Variants in PARD3B observed in about 807,000 individuals in gnomAD.
The protein encoded by PARD3B is par-3 family cell polarity regulator beta, also known as partitioning defective 3 homolog B.
PARD3B carries 103 observed loss-of-function variants against 130.2 expected under a neutral mutation model. The ratio of observed to expected loss-of-function variants is 0.79; its 90% CI spans 0.67 to 0.93. The LOEUF (loss-of-function observed/expected upper bound fraction) is 0.93. Ranked by LOEUF, PARD3B falls within the 40% of genes least tolerant of loss-of-function variation. The pLI, the probability that PARD3B is intolerant of heterozygous loss-of-function variation, is 0.00. For missense variants in PARD3B, 1,609 were observed against 1,499.2 expected, an observed-to-expected ratio of 1.07 and a Z score of -1.21; for synonymous variants, 583 against 553.2, an observed-to-expected ratio of 1.05 and a Z score of -0.76.
intron 21 of PARD3B, among the ~76,000 whole-genome samples, chr2:205,512,670 AG>A (rs898898426): frequency 1.3e-4 from 20 of 152,306 alleles, no homozygotes; most frequent in African/African-American, 4.6e-4. Flanking sequence ...CTTACCTACA[AG>A]GAAAGAAAAC....
intron 15 of PARD3B, among the ~76,000 whole-genome samples, chr2:205,208,315 G>A (rs1473254943): frequency 7.0e-5 from 8 of 113,556 alleles, no homozygotes; most frequent in African/African-American, 2.7e-4. Flanking sequence ...GCACAAGACA[G>A]GGATGCCCTC....
intron 3 of PARD3B, among the ~76,000 whole-genome samples, chr2:204,968,580 C>T (rs1353254397): frequency 6.6e-6 from 1 of 152,232 alleles, no homozygotes; most frequent in Non-Finnish European, 1.5e-5. Flanking sequence ...TCCAAATTTA[C>T]CACCTTCAAA....
At chr2:205,510,212 T>G (rs1003783989) in intron 21 of PARD3B, among the ~76,000 whole-genome samples, 2 of 152,198 alleles carry the variant, frequency 1.3e-5, no homozygotes, top group African/African-American at 2.4e-5. Flanking sequence ...ACACACATGA[T>G]TACATGTAAA....
At chr2:205,088,110 G>A (rs1455798554) in intron 4 of PARD3B, among the ~76,000 whole-genome samples, 1 of 152,164 alleles carries the variant, frequency 6.6e-6, no homozygotes, top group Non-Finnish European at 1.5e-5. Flanking sequence ...TGATCCAAAT[G>A]ATGACTGAGT....
At position 205,287,062 on chromosome 2, in the gene PARD3B, T is replaced by C. The variant is rs569496138; in HGVS notation, c.2186-13468T>C. Reference sequence around the variant, plus strand: ...TTGTAAAATCCATGCAGCAACAGACTGGAACATGCCTGTCTATAAGCTGGT... The same window carrying C: ...TTGTAAAATCCATGCAGCAACAGACCGGAACATGCCTGTCTATAAGCTGGT... On this transcript the variant is annotated intron_variant, in intron 16 of 22. Coordinates refer to ENST00000406610, the MANE Select transcript of PARD3B (RefSeq NM_001302769.2). This position sits in a 1 kb window ranked among gnomAD's most constrained non-coding sequence, Gnocchi z 4.8. 3.3e-5 allele frequency among the ~76,000 whole-genome samples: 5 copies of C among 152,314 alleles called. No homozygotes were observed. Among genetic ancestry groups the C allele is most frequent in the Middle Eastern group, 3.4e-3 (1 of 294 alleles).
chr2:205,255,452 G>A (rs192225087), intron 16 of PARD3B, among the ~76,000 whole-genome samples: 2 of 152,192 alleles, frequency 1.3e-5, no homozygotes, highest in African/African-American at 4.8e-5. Flanking sequence ...GCAACTCGGT[G>A]TCCTATAATT....
chr2:205,033,615 C>G (rs1441435891), intron 3 of PARD3B, among the ~76,000 whole-genome samples: 1 of 152,116 alleles, frequency 6.6e-6, no homozygotes, highest in Non-Finnish European at 1.5e-5. Context: ...GCCACGTGCC[C>G]ATCTGTCTAC....
chr2:204,939,916 A>G lies in PARD3B; in HGVS notation c.223-25236A>G, dbSNP rs1293721721. 2.6e-5 allele frequency among the ~76,000 whole-genome samples: 4 copies of G among 152,210 alleles called. No individual in the cohort carries two copies. In the South Asian group the frequency reaches 8.3e-4, roughly 32 times the overall value. ...TGGCCCCAAATGTACTTAAATTACC[A>G]TTATACCTGAGGTTTACTGATATCT... On this transcript the variant is annotated intron_variant, in intron 2 of 22. Transcript: ENST00000406610.
intron 7 of PARD3B, among the ~76,000 whole-genome samples, chr2:205,120,447 C>A (rs1004459549): frequency 1.3e-5 from 2 of 152,028 alleles, no homozygotes; most frequent in East Asian, 3.9e-4. Context: ...AAGGGGGGTG[C>A]GGGGTAGGGT....
rs2125714539 is a variant in PARD3B, at chr2:204,906,253, T to G, written c.223-58899T>G. On this transcript the variant is annotated intron_variant, in intron 2 of 22. Coordinates refer to ENST00000406610, the MANE Select transcript of PARD3B (RefSeq NM_001302769.2). This position sits in a 1 kb window ranked among gnomAD's most constrained non-coding sequence, Gnocchi z 4.3. ...TGAACCCAGCTCTCTCTGTATGAGA[T>G]TCTGGAGTAGGTGTCTCCTTCAGAA... Among the ~76,000 whole-genome samples, 1 of 152,298 alleles carries G rather than the reference T, an allele frequency of 6.6e-6. No individual in the cohort carries two copies. The highest frequency in any genetic ancestry group is 6.5e-5 in the Admixed American group (1 of 15,298).
intron 10 of PARD3B, among the ~76,000 whole-genome samples, chr2:205,149,663 A>G (rs1318500358): frequency 6.6e-6 from 1 of 152,186 alleles, no homozygotes; most frequent in African/African-American, 2.4e-5. Context: ...CCCTCACAGT[A>G]AAAACTGCCA....
At chr2:205,237,986 A>G (rs1168417300) in intron 15 of PARD3B, among the ~76,000 whole-genome samples, 1 of 152,204 alleles carries the variant, frequency 6.6e-6, no homozygotes, top group Non-Finnish European at 1.5e-5. Flanking sequence ...TTTACACTAC[A>G]CCATTCCTAT....
chr2:205,526,114 C>G (rs983211389), intron 21 of PARD3B, among the ~76,000 whole-genome samples: 9 of 152,206 alleles, frequency 5.9e-5, no homozygotes, highest in African/African-American at 9.7e-5. Context: ...CTAGACCCAA[C>G]TGCTTGACAA....
At chr2:204,776,692 A>C (rs1381401312) in intron 2 of PARD3B, among the ~76,000 whole-genome samples, 1 of 151,876 alleles carries the variant, frequency 6.6e-6, no homozygotes, top group East Asian at 1.9e-4. Context: ...GGAAGTGGGC[A>C]GTTTGCTAAC....
At chr2:205,449,154 G>A (rs375405248) in intron 20 of PARD3B, among the ~76,000 whole-genome samples, 1,235 of 103,500 alleles carry the variant, frequency 0.012, 20 homozygotes, top group African/African-American at 0.041. Flanking sequence ...CAACAAGAGC[G>A]AAACTCCATC....
At chr2:205,362,696 A>G (rs1300074560) in intron 18 of PARD3B, among the ~76,000 whole-genome samples, 1 of 152,180 alleles carries the variant, frequency 6.6e-6, no homozygotes, top group Non-Finnish European at 1.5e-5. Flanking sequence ...TTGTACTACT[A>G]GTTTATGTGA....
intron 3 of PARD3B, among the ~76,000 whole-genome samples, chr2:205,042,425 C>T (rs561043333): frequency 3.9e-5 from 6 of 152,170 alleles, no homozygotes. Flanking sequence ...GTAAGTTTTT[C>T]CTGAATGTGG....
chr2:205,539,282 C>T (rs1303150079), intron 21 of PARD3B, among the ~76,000 whole-genome samples: 5 of 152,142 alleles, frequency 3.3e-5, no homozygotes, highest in Non-Finnish European at 7.4e-5. Context: ...GGTAGTGTTG[C>T]AGATTGAGTC....
At chr2:205,035,603 G>C (rs1455300452) in intron 3 of PARD3B, among the ~76,000 whole-genome samples, 1 of 151,612 alleles carries the variant, frequency 6.6e-6, no homozygotes, top group Non-Finnish European at 1.5e-5. Flanking sequence ...ACCTGGCCCT[G>C]TACCTTAGTA....
Sources: allele counts gnomAD v4.1 joint callset (sites outside exome capture counted in the v4.1 genomes callset), GRCh38; gene constraint gnomAD v4.1.1; non-coding constraint Gnocchi (gnomAD v3.1); transcripts MANE v1.5; gene names NCBI Gene and HGNC (gene_info 2026-07-23, HGNC 2026-07-21).